TMEM233: variants seen among roughly 807,000 people sequenced by gnomAD.
The protein encoded by TMEM233 is transmembrane protein 233, also known as dispanin subfamily B member 2.
In TMEM233, 6 loss-of-function variants were observed where a neutral mutation model predicts 11.2. The observed-to-expected ratio is 0.54, with a 90% CI of 0.29 to 1.06. The LOEUF (loss-of-function observed/expected upper bound fraction) is 1.06. TMEM233 is among the 50% of genes least tolerant of loss of function. The probability of loss-of-function intolerance (pLI) is 0.08; values close to 1 mark genes in which losing one functional copy is unlikely to be tolerated. For missense variants in TMEM233, 127 were observed against 144.7 expected (o/e 0.88, Z 0.63); for synonymous variants, 59 against 55.8 (o/e 1.06, Z -0.26).
chr12:119,639,243 T>C lies in TMEM233; in HGVS notation c.324-1456T>C, dbSNP rs573138436. Among the ~76,000 whole-genome samples, 6 of 152,240 alleles carry C rather than the reference T, an allele frequency of 3.9e-5. No individual in the cohort carries two copies. In the East Asian group the frequency reaches 1.2e-3, roughly 29 times the overall value. ...CTGACAAATTATATATCTATGTCTG[T>C]TTCCCCCCTACTGGCATGAGAACTC... is the stretch of plus-strand genomic sequence containing the variant. On this transcript the variant is annotated intron_variant, in intron 2 of 2. Transcript: ENST00000426426.
rs956783810 is a variant in TMEM233, at chr12:119,615,206, A to C, written c.187-14530A>C. Reference sequence around the variant, plus strand: ...AAAAAAAAAAAAAAAAAAAAAAAAAACTGCCTCCTCCACCCCACTTTCTTT... The same window carrying C: ...AAAAAAAAAAAAAAAAAAAAAAAAACCTGCCTCCTCCACCCCACTTTCTTT... On this transcript the variant is annotated intron_variant, in intron 1 of 2. Coordinates refer to ENST00000426426, the MANE Select transcript of TMEM233 (RefSeq NM_001136534.3). Among the ~76,000 whole-genome samples, 424 of 120,660 alleles carry C rather than the reference A, an allele frequency of 3.5e-3. 3 individuals carry two copies. Among genetic ancestry groups the C allele is most frequent in the African/African-American group, 0.012 (398 of 32,392 alleles). The allele number at this position is 120,660 out of a possible 152,430, so 79.2% of individuals were successfully genotyped here.
At position 119,595,152 on chromosome 12, in the gene TMEM233, C is replaced by G. The variant is rs1267025692; in HGVS notation, c.186+1118C>G. ...CCACCAGGAGGGCGACGAGCGCCTG[C>G]TAGGCCCTCGCCTTATTGACTGCAG... On this transcript the variant is annotated intron_variant, in intron 1 of 2. Transcript: ENST00000426426. The surrounding 1 kb of genome is among the most constrained non-coding windows in gnomAD (Gnocchi z 4.3). Among the ~76,000 whole-genome samples, 1 of 152,242 alleles carries G rather than the reference C, an allele frequency of 6.6e-6. No individual in the cohort carries two copies. The highest frequency in any genetic ancestry group is 1.9e-4 in the East Asian group (1 of 5,186).
At chr12:119,612,442 C>G (rs1457110769) in intron 1 of TMEM233, among the ~76,000 whole-genome samples, 1 of 152,036 alleles carries the variant, frequency 6.6e-6, no homozygotes, top group African/African-American at 2.4e-5. Context: ...CGGCAAAACC[C>G]CGTCTTCAAA....
chr12:119,629,397 GAGACTCTGTCTCAAA>G (rs67079812), intron 1 of TMEM233, among the ~76,000 whole-genome samples: 110,022 of 151,378 alleles, frequency 0.73, 40,614 homozygotes, highest in Middle Eastern at 0.83. Flanking sequence ...GTGACAGAGT[GAGACTCTGTCTCAAA>G]AAAAAAAAGA....
downstream of TMEM233, among the ~76,000 whole-genome samples, chr12:119,646,129 C>T (rs1415652828): frequency 6.6e-6 from 1 of 151,406 alleles, no homozygotes; most frequent in Non-Finnish European, 1.5e-5. Flanking sequence ...ATGATCTTGG[C>T]TCACTGCAAC....
At position 119,642,150 on chromosome 12, in the gene TMEM233, G is replaced by A. The variant is rs942470436; in HGVS notation, c.*1445G>A. ...ATGTCAGAAAGATGGTGATAATGAAGCAAAAGAAAGGCAGATTATGCTGGC... is the reference window on the plus strand; with the variant it reads ...ATGTCAGAAAGATGGTGATAATGAAACAAAAGAAAGGCAGATTATGCTGGC... On this transcript the variant is annotated 3_prime_UTR_variant, in exon 3 of 3. Transcript: ENST00000426426. 3 of 152,204 alleles carry A rather than the reference G, an allele frequency of 2.0e-5. No homozygotes were observed. Among genetic ancestry groups the A allele is most frequent in the African/African-American group, 7.2e-5 (3 of 41,444 alleles). The allele number at this position is 152,204 out of a possible 1,614,324, so 9.4% of individuals were successfully genotyped here.
At chr12:119,643,116 T>G (rs1263103372), downstream of TMEM233, 3 of 152,196 alleles carry the variant, frequency 2.0e-5, no homozygotes, top group African/African-American at 7.2e-5. Flanking sequence ...TTCCCCACCT[T>G]CCAGAGATTT....
downstream of TMEM233, among the ~76,000 whole-genome samples, chr12:119,644,413 T>C (rs1457969729): frequency 6.6e-6 from 1 of 151,640 alleles, no homozygotes; most frequent in Non-Finnish European, 1.5e-5. Flanking sequence ...ATATTAAGCA[T>C]GCTGCTTCTT....
At chr12:119,647,065 C>CT (rs139576814), downstream of TMEM233, among the ~76,000 whole-genome samples, 3,008 of 151,534 alleles carry the variant, frequency 0.02, 101 homozygotes, top group African/African-American at 0.068. Context: ...CTCAAACTTT[C>CT]TTTTTTTTTG....
intron 2 of TMEM233, among the ~76,000 whole-genome samples, chr12:119,634,969 T>C (rs1566113832): frequency 6.6e-6 from 1 of 152,204 alleles, no homozygotes; most frequent in Non-Finnish European, 1.5e-5. Context: ...CCATTTTGGA[T>C]AGAATCGTGC....
intron 1 of TMEM233, among the ~76,000 whole-genome samples, chr12:119,621,207 C>T (rs1310426078): frequency 6.6e-6 from 1 of 152,170 alleles, no homozygotes; most frequent in Admixed American, 6.5e-5. Flanking sequence ...TGCCACCACG[C>T]CAGCTAATTT....
chr12:119,608,060 C>T (rs971026449), intron 1 of TMEM233, among the ~76,000 whole-genome samples: 2 of 152,192 alleles, frequency 1.3e-5, no homozygotes, highest in Admixed American at 1.3e-4. Flanking sequence ...CTTAGCACAG[C>T]TCCTGCCCCA....
intron 1 of TMEM233, among the ~76,000 whole-genome samples, chr12:119,627,169 A>C (rs1296554446): frequency 2.0e-5 from 3 of 152,352 alleles, no homozygotes; most frequent in Admixed American, 1.3e-4. Flanking sequence ...GAGATGAAAA[A>C]TTCAGCCAAG....
Position 119,594,138 on chromosome 12 carries a change from C to T in TMEM233, c.186+104C>T. On this transcript the variant is annotated intron_variant, in intron 1 of 2. Transcript: ENST00000426426. The surrounding 1 kb of genome is among the most constrained non-coding windows in gnomAD (Gnocchi z 5.6). ...TCTCTGCGGCTCCCTTCCTCACGGC[C>T]CGGCCCGCGCTAGGTGTTCTTTGTC... 1 of 1,178,700 alleles carries T rather than the reference C, an allele frequency of 8.5e-7. No homozygotes were observed. Among genetic ancestry groups the T allele is most frequent in the Non-Finnish European group, 1.2e-6 (1 of 842,322 alleles). 73.0% of individuals were successfully genotyped at this position (1,178,700 alleles called of 1,614,324 possible). A position where few individuals can be genotyped will look rare whatever the true frequency, so the allele number is the denominator to read the frequency against.
intron 1 of TMEM233, among the ~76,000 whole-genome samples, chr12:119,618,998 C>T (rs1004068235): frequency 1.3e-5 from 2 of 152,202 alleles, no homozygotes; most frequent in Non-Finnish European, 2.9e-5. Flanking sequence ...ATAATCCCCA[C>T]ATGTCATGGG....
At chr12:119,616,917 G>A (rs1162571639) in intron 1 of TMEM233, among the ~76,000 whole-genome samples, 5 of 152,194 alleles carry the variant, frequency 3.3e-5, no homozygotes, top group Non-Finnish European at 7.3e-5. Flanking sequence ...TTCTCCTTCT[G>A]CCATGATTAT....
intron 1 of TMEM233, among the ~76,000 whole-genome samples, chr12:119,627,271 C>A (rs1447984118): frequency 6.6e-6 from 1 of 150,634 alleles, no homozygotes; most frequent in Non-Finnish European, 1.5e-5. Flanking sequence ...GCCTTGCAGG[C>A]CCTACATTCT....
intron 1 of TMEM233, among the ~76,000 whole-genome samples, chr12:119,599,029 A>T (rs1469687883): frequency 1.3e-5 from 2 of 152,334 alleles, no homozygotes. Flanking sequence ...TTTGATAAGA[A>T]TAAAACAATG....
intron 1 of TMEM233, among the ~76,000 whole-genome samples, chr12:119,601,737 C>T (rs1954171746): frequency 6.6e-6 from 1 of 150,806 alleles, no homozygotes; most frequent in Non-Finnish European, 1.5e-5. Flanking sequence ...CAATTCTAGA[C>T]ACATCTAAAT....
Sources: allele counts gnomAD v4.1 joint callset (sites outside exome capture counted in the v4.1 genomes callset), GRCh38; gene constraint gnomAD v4.1.1; non-coding constraint Gnocchi (gnomAD v3.1); transcripts MANE v1.5; gene names NCBI Gene and HGNC (gene_info 2026-07-23, HGNC 2026-07-21).